The following WNT7A variants were observed in gnomAD, a reference collection of about 807,000 sequenced individuals.
WNT7A encodes the protein protein Wnt-7a.
Under a neutral mutation model 28.2 loss-of-function variants are expected in WNT7A, and 16 were observed. The ratio of observed to expected loss-of-function variants is 0.57; its 90% CI spans 0.38 to 0.86. The LOEUF (loss-of-function observed/expected upper bound fraction) is 0.86, where lower values mean the gene tolerates loss of function less well. Ranked by LOEUF, WNT7A falls within the 40% of genes least tolerant of loss-of-function variation. WNT7A has a pLI of 0.00. For missense variants in WNT7A, 411 were observed against 489.7 expected, an observed-to-expected ratio of 0.84 and a Z score of 1.52; for synonymous variants, 190 against 195.9, an observed-to-expected ratio of 0.97 and a Z score of 0.25.
In WNT7A at chr3:13,879,950, T is replaced by A. The variant is rs1270784803; in HGVS notation, c.-134A>T. 1 of 561,940 alleles carries A rather than the reference T, an allele frequency of 1.8e-6. No homozygotes were observed. Among genetic ancestry groups the A allele is most frequent in the Non-Finnish European group, 2.7e-6 (1 of 369,320 alleles). 34.8% of individuals were successfully genotyped at this position (561,940 alleles called of 1,614,324 possible). On this transcript the variant is annotated 5_prime_UTR_variant, in exon 1 of 4. Coordinates refer to ENST00000285018, the MANE Select transcript of WNT7A (RefSeq NM_004625.4). ...CCGGGGCCGTCTGTCGGTGCGCCCG[T>A]CCGCGCGCTCCGCGCCTGAGCCTCG... is the stretch of plus-strand genomic sequence containing the variant.
At position 13,874,352 on chromosome 3, in the gene WNT7A, G is replaced by T. The variant is rs144304901; in HGVS notation, c.298+595C>A. ...AGTTGCTTCAGAAGTCAAATGTGTG[G>T]CTCAAAACTCTGTGTGTATGTATGT... On this transcript the variant is annotated intron_variant, in intron 2 of 3. Coordinates refer to ENST00000285018, the MANE Select transcript of WNT7A (RefSeq NM_004625.4). Among the ~76,000 whole-genome samples, 122 of 152,266 alleles carry T rather than the reference G, an allele frequency of 8.0e-4. 1 individual carries two copies. The highest frequency in any genetic ancestry group is 2.8e-3 in the African/African-American group (115 of 41,558).
chr3:13,844,107 A>G (rs1694502932), intron 3 of WNT7A, among the ~76,000 whole-genome samples: 1 of 152,090 alleles, frequency 6.6e-6, no homozygotes, highest in Non-Finnish European at 1.5e-5. Flanking sequence ...AAATACACAC[A>G]CACACAATTG....
At chr3:13,859,758 G>C (rs1247915305) in intron 2 of WNT7A, among the ~76,000 whole-genome samples, 1 of 152,220 alleles carries the variant, frequency 6.6e-6, no homozygotes, top group Non-Finnish European at 1.5e-5. Context: ...GCTCTGACTT[G>C]GTCTCCACAG....
At chr3:13,863,257 C>T (rs6788472) in intron 2 of WNT7A, among the ~76,000 whole-genome samples, 105,438 of 152,060 alleles carry the variant, frequency 0.69, 38,292 homozygotes, top group East Asian at 0.91. Context: ...CTCCCTCCAC[C>T]TGTGGCCCAG....
At chr3:13,855,210 A>T (rs1031317209) in intron 2 of WNT7A, among the ~76,000 whole-genome samples, 8 of 152,228 alleles carry the variant, frequency 5.3e-5, no homozygotes, top group Non-Finnish European at 1.0e-4. Context: ...ACACCCACAG[A>T]GGACACTGGC....
intron 2 of WNT7A, among the ~76,000 whole-genome samples, chr3:13,860,689 C>T (rs1342387275): frequency 6.6e-6 from 1 of 152,156 alleles, no homozygotes; most frequent in Non-Finnish European, 1.5e-5. Context: ...TGCCTAACCA[C>T]TCCAGAGAAC....
At chr3:13,850,498 G>A (rs1694612785) in intron 3 of WNT7A, among the ~76,000 whole-genome samples, 1 of 152,184 alleles carries the variant, frequency 6.6e-6, no homozygotes, top group Non-Finnish European at 1.5e-5. Context: ...GCAAGAGGCT[G>A]GGCAGGGACT....
At chr3:13,854,392 C>G (rs1328490699) in intron 3 of WNT7A, 140 bp downstream of exon 3, 8 of 1,399,094 alleles carry the variant, frequency 5.7e-6, no homozygotes, top group Non-Finnish European at 8.0e-6. Flanking sequence ...CAGCTACAAG[C>G]TGATGCCAGC....
intron 3 of WNT7A, among the ~76,000 whole-genome samples, chr3:13,831,931 C>T (rs1318872349): frequency 6.6e-6 from 1 of 152,112 alleles, no homozygotes; most frequent in Non-Finnish European, 1.5e-5. Context: ...GGGACCCTTT[C>T]CAAGGCACTG....
chr3:13,877,694 C>T (rs193068732), intron 1 of WNT7A, among the ~76,000 whole-genome samples: 1 of 152,216 alleles, frequency 6.6e-6, no homozygotes. Context: ...ATAACTAGTC[C>T]CCACCTCATT....
chr3:13,858,484 C>T lies in WNT7A; in HGVS notation c.299-3681G>A, dbSNP rs1359565353. ...GGTGCAGATGGTGAGAAATGGACAG[C>T]TAACCACAGATGGCTTCCACCCACT... On this transcript the variant is annotated intron_variant, in intron 2 of 3. Transcript: ENST00000285018. Among the ~76,000 whole-genome samples, 3 of 152,190 alleles carry T rather than the reference C, an allele frequency of 2.0e-5. 1 individual carries two copies. The highest frequency in any genetic ancestry group is 2.0e-4 in the Admixed American group (3 of 15,284).
chr3:13,839,112 A>G (rs1465755800), intron 3 of WNT7A, among the ~76,000 whole-genome samples: 1 of 152,240 alleles, frequency 6.6e-6, no homozygotes, highest in African/African-American at 2.4e-5. Flanking sequence ...AGCAAATGTC[A>G]TATGACCCAT....
At position 13,821,148 on chromosome 3, in the gene WNT7A, C is replaced by T. The variant is rs368117725; in HGVS notation, c.571-1725G>A. Among the ~76,000 whole-genome samples, 13 of 152,336 alleles carry T rather than the reference C, an allele frequency of 8.5e-5. 1 individual carries two copies. The highest frequency in any genetic ancestry group is 6.2e-4 in the South Asian group (3 of 4,828). The stretch of plus-strand genomic sequence containing the variant: ...TAAGAAGCAGGAGAAAGAGCAAAGG[C>T]TTGGAGGTGTGATGACACAATTGGG... On this transcript the variant is annotated intron_variant, in intron 3 of 3. Transcript: ENST00000285018.
At chr3:13,868,510 G>GAGAGAGAA (rs1694946745) in intron 2 of WNT7A, among the ~76,000 whole-genome samples, 1 of 118,870 alleles carries the variant, frequency 8.4e-6, no homozygotes, top group Non-Finnish European at 1.8e-5. Flanking sequence ...GAAAGAAAGA[G>GAGAGAGAA]AGAGAGAAAG....
intron 3 of WNT7A, among the ~76,000 whole-genome samples, chr3:13,837,948 T>C (rs1337204634): frequency 6.6e-6 from 1 of 152,182 alleles, no homozygotes; most frequent in East Asian, 1.9e-4. Context: ...TCCAAGAGGC[T>C]GGACTGGCCT....
Position 13,818,835 on chromosome 3 carries a change from T to A in WNT7A, c.*109A>T, listed in dbSNP as rs1039002604. 3 of 1,445,364 alleles carry A rather than the reference T, an allele frequency of 2.1e-6. No individual in the cohort carries two copies. The African/African-American group carries it at 4.3e-5, about 21-fold the overall frequency. 89.5% of individuals were successfully genotyped at this position (1,445,364 alleles called of 1,614,324 possible). On this transcript the variant is annotated 3_prime_UTR_variant, in exon 4 of 4. Coordinates refer to ENST00000285018, the MANE Select transcript of WNT7A (RefSeq NM_004625.4). ...AGGAAACCCAGGAAAAGTACCCTCC[T>A]CAGCAGAAAAGACAAGCTCAGCATC...
rs985726480 is a variant in WNT7A, at chr3:13,818,747, A to G, written c.*197T>C. ...TGTGTCTGGGGGAGGGTGGAGCAGC[A>G]TTGGGTGTGGAACAGAATAGTTGAG... On this transcript the variant is annotated 3_prime_UTR_variant, in exon 4 of 4. Transcript: ENST00000285018. 1.8e-5 allele frequency: 14 copies of G among 797,288 alleles called. No individual in the cohort carries two copies. Among genetic ancestry groups the G allele is most frequent in the Non-Finnish European group, 2.6e-5 (14 of 537,822 alleles). 49.4% of individuals were successfully genotyped at this position (797,288 alleles called of 1,614,324 possible). A position where few individuals can be genotyped will look rare whatever the true frequency, so the allele number is the denominator to read the frequency against.
intron 3 of WNT7A, among the ~76,000 whole-genome samples, chr3:13,823,012 T>A (rs892193473): frequency 6.6e-6 from 1 of 152,192 alleles, no homozygotes; most frequent in Non-Finnish European, 1.5e-5. Context: ...TCAGGTGACA[T>A]CCAGCCTGCT....
chr3:13,838,045 T>C (rs1559298132), intron 3 of WNT7A, among the ~76,000 whole-genome samples: 1 of 152,178 alleles, frequency 6.6e-6, no homozygotes, highest in Non-Finnish European at 1.5e-5. Flanking sequence ...CCTTTGGTGG[T>C]GTAGAGGTTT....
Sources: gnomAD v4.1 joint callset for allele counts (sites outside exome capture counted in the v4.1 genomes callset) on GRCh38, gnomAD v4.1.1 for gene constraint, MANE v1.5 for transcripts, NCBI Gene and HGNC (gene_info 2026-07-23, HGNC 2026-07-21) for gene names.